The following DEGS2 variants were observed in gnomAD, a reference collection of about 807,000 sequenced individuals.
The protein encoded by DEGS2 is delta 4-desaturase, sphingolipid 2, also known as sphingolipid delta(4)-desaturase/C4-monooxygenase DES2.
In DEGS2, 19 loss-of-function variants were observed where a neutral mutation model predicts 23.8. The ratio of observed to expected loss-of-function variants is 0.80; its 90% CI spans 0.56 to 1.17. DEGS2 has a LOEUF of 1.17. Among genes scored for constraint, DEGS2 ranks in the 50% most tolerant of loss-of-function variants. The probability of loss-of-function intolerance (pLI) is 0.00; values close to 1 mark genes in which losing one functional copy is unlikely to be tolerated. For synonymous variants in DEGS2, 218 were observed against 213.7 expected, an observed-to-expected ratio of 1.02 and a Z score of -0.18; for missense variants, 390 against 459.5, an observed-to-expected ratio of 0.85 and a Z score of 1.38.
rs1023517827 is a variant in DEGS2 at position 100,159,621 on chromosome 14, G to T, written c.-34C>A. On this transcript the variant is annotated 5_prime_UTR_variant, in exon 1 of 3. Coordinates refer to ENST00000305631, the MANE Select transcript of DEGS2 (RefSeq NM_206918.3). ...GGGAGGCGCCGTTCGGAGCGCGGCC[G>T]GCTCGGCTCTGCTGCACCTGTCGCG... 1 of 1,455,496 alleles carries T rather than the reference G, an allele frequency of 6.9e-7. No individual in the cohort carries two copies. The highest frequency in any genetic ancestry group is 1.5e-5 in the African/African-American group (1 of 67,838). The allele number at this position is 1,455,496 out of a possible 1,614,324, so 90.2% of individuals were successfully genotyped here. A position where few individuals can be genotyped will look rare whatever the true frequency, so the allele number is the denominator to read the frequency against.
At chr14:100,152,687 G>A (rs572692679) in intron 1 of DEGS2, among the ~76,000 whole-genome samples, 4 of 152,158 alleles carry the variant, frequency 2.6e-5, no homozygotes, top group African/African-American at 9.6e-5. Context: ...TCCACCCTCC[G>A]CCTGCTTTCA....
chr14:100,155,281 G>C (rs139751719), intron 1 of DEGS2, among the ~76,000 whole-genome samples: 1 of 152,256 alleles, frequency 6.6e-6, no homozygotes, highest in East Asian at 1.9e-4. Context: ...AACCTGACCT[G>C]GGACAAGCTT....
chr14:100,149,760 C>T (rs760503869), intron 1 of DEGS2, 50 bp from the exon 2 acceptor site: 33 of 1,524,998 alleles, frequency 2.2e-5, no homozygotes, highest in Non-Finnish European at 2.7e-5. Flanking sequence ...GGGCTGCACC[C>T]CGCCCTCCTC....
intron 2 of DEGS2, 101 bp from the exon 3 acceptor site, chr14:100,147,008 CAT>C: frequency 7.2e-7 from 1 of 1,381,656 alleles, no homozygotes; most frequent in Non-Finnish European, 9.9e-7. Context: ...CATGCACATG[CAT>C]ATTCATGTAC....
chr14:100,163,587 C>A (rs1889774288), upstream of DEGS2, among the ~76,000 whole-genome samples: 1 of 152,232 alleles, frequency 6.6e-6, no homozygotes, highest in Admixed American at 6.5e-5. Context: ...AGAGGCAACA[C>A]TGGTCCCTAC....
intron 1 of DEGS2, among the ~76,000 whole-genome samples, chr14:100,157,154 T>C (rs1889671562): frequency 6.6e-6 from 1 of 152,142 alleles, no homozygotes. Context: ...AGCTGAGATA[T>C]CATCTCATCC....
intron 1 of DEGS2, among the ~76,000 whole-genome samples, chr14:100,154,119 C>T (rs895833831): frequency 6.6e-6 from 1 of 152,182 alleles, no homozygotes; most frequent in South Asian, 2.1e-4. Context: ...AATCCCAGCA[C>T]TTTGGGAGGC....
intron 2 of DEGS2, among the ~76,000 whole-genome samples, chr14:100,147,461 T>C (rs1159338170): frequency 6.6e-6 from 1 of 152,140 alleles, no homozygotes; most frequent in Non-Finnish European, 1.5e-5. Context: ...TCAGCCAGCC[T>C]CACTGCTTGT....
In DEGS2 at chr14:100,151,602, C is replaced by T. The variant is rs867129751; in HGVS notation, c.83-1892G>A. Among the ~76,000 whole-genome samples, 14 of 152,352 alleles carry T rather than the reference C, an allele frequency of 9.2e-5. No homozygotes were observed. In the South Asian group the frequency reaches 1.7e-3, roughly 18 times the overall value. ...AGGTACAGGGGGCTCCTGCCAAAGG[C>T]CTGAGGCCCAGAGAAGCTTTGCTGG... On this transcript the variant is annotated intron_variant, in intron 1 of 2. Coordinates refer to ENST00000305631, the MANE Select transcript of DEGS2 (RefSeq NM_206918.3).
At chr14:100,158,037 A>C (rs1049633293) in intron 1 of DEGS2, among the ~76,000 whole-genome samples, 11 of 141,028 alleles carry the variant, frequency 7.8e-5, no homozygotes. Context: ...CGGTGAGTGG[A>C]GATCGCATCA....
intron 2 of DEGS2, among the ~76,000 whole-genome samples, chr14:100,148,493 G>C (rs989751633): frequency 6.6e-6 from 1 of 152,196 alleles, no homozygotes; most frequent in Non-Finnish European, 1.5e-5. Flanking sequence ...CTAAGGCAAA[G>C]ATGCCCATAC....
At chr14:100,162,376 T>TA (rs1889759773), upstream of DEGS2, among the ~76,000 whole-genome samples, 1 of 118,228 alleles carries the variant, frequency 8.5e-6, no homozygotes, top group South Asian at 2.6e-4. Flanking sequence ...ATAAATAAAA[T>TA]AAATAAATAA....
chr14:100,157,313 T>C (rs1033737838), intron 1 of DEGS2, among the ~76,000 whole-genome samples: 1 of 152,258 alleles, frequency 6.6e-6, no homozygotes, highest in Non-Finnish European at 1.5e-5. Flanking sequence ...ACCAGGACAC[T>C]GGCTGCCATG....
intron 1 of DEGS2, among the ~76,000 whole-genome samples, chr14:100,153,589 C>T (rs1291845176): frequency 1.3e-5 from 2 of 152,210 alleles, no homozygotes; most frequent in Non-Finnish European, 2.9e-5. Flanking sequence ...AAACCTGGCC[C>T]AGCCTGGGAA....
Position 100,146,532 on chromosome 14 carries a change from C to G in DEGS2, c.*229G>C, listed in dbSNP as rs1372490324. ...ATGGTGGGGCAGGGCCAGGCCTCAC[C>G]TGGGGAGGCCCAGAAAGGGAGGGCC... On this transcript the variant is annotated 3_prime_UTR_variant, in exon 3 of 3. Transcript: ENST00000305631. 2 of 575,914 alleles carry G rather than the reference C, an allele frequency of 3.5e-6. No homozygotes were observed. The highest frequency in any genetic ancestry group is 3.8e-5 in the African/African-American group (2 of 52,164). The allele number at this position is 575,914 out of a possible 1,614,324, so 35.7% of individuals were successfully genotyped here. A position where few individuals can be genotyped will look rare whatever the true frequency, so the allele number is the denominator to read the frequency against.
chr14:100,146,815 C>T lies in DEGS2; in HGVS notation c.918G>A (p.Leu306=). The T allele has an allele frequency of 6.2e-7, 1 of 1,613,842 alleles. No individual in the cohort carries two copies. Among genetic ancestry groups the T allele is most frequent in the Non-Finnish European group, 8.5e-7 (1 of 1,179,930 alleles). The change falls in exon 3 of 3, where the codon CTG becomes CTA. Residue 306 remains leucine (L), a synonymous_variant. Transcript: ENST00000305631. ...CCCGCTTCACCCTGGCATAGGGCCC[C>T]AGGGAGTCCTCAAACACAAAATCCC... ...VLWDFVFEDS[L]GPYARVKRVY...
chr14:100,156,816 G>A (rs888350821), intron 1 of DEGS2, among the ~76,000 whole-genome samples: 8 of 52,298 alleles, frequency 1.5e-4, no homozygotes, highest in Non-Finnish European at 2.6e-4. Context: ...AGGGAGGAGG[G>A]ACATTCACCT....
the DEGS2 span, among the ~76,000 whole-genome samples, chr14:100,165,518 G>T: frequency 6.6e-6 from 1 of 152,342 alleles, no homozygotes; most frequent in East Asian, 1.9e-4. Flanking sequence ...CAAGCAGTGG[G>T]CGCAGCTAGC....
intron 1 of DEGS2, among the ~76,000 whole-genome samples, chr14:100,151,541 G>A (rs562590882): frequency 1.8e-4 from 27 of 152,360 alleles, no homozygotes; most frequent in Admixed American, 4.6e-4. Context: ...AACGAGCAGA[G>A]AATGGCACTC....
Sources: allele counts gnomAD v4.1 joint callset (sites outside exome capture counted in the v4.1 genomes callset), GRCh38; gene constraint gnomAD v4.1.1; transcripts MANE v1.5; gene names NCBI Gene and HGNC (gene_info 2026-07-23, HGNC 2026-07-21).